PLEKHA3: variants seen among roughly 807,000 people sequenced by gnomAD.
PLEKHA3 encodes pleckstrin homology domain-containing family A member 3.
A neutral mutation model predicts 39.2 loss-of-function variants in PLEKHA3; 19 were observed. That is an observed-to-expected ratio of 0.48 (90% CI 0.34 to 0.71). PLEKHA3 has a LOEUF of 0.71. Ranked by LOEUF, PLEKHA3 falls within the 30% of genes least tolerant of loss-of-function variation. The pLI is 0.01. For synonymous variants in PLEKHA3, 97 were observed against 118.6 expected, an observed-to-expected ratio of 0.82 and a Z score of 1.18; for missense variants, 253 against 359.5, an observed-to-expected ratio of 0.70 and a Z score of 2.40.
chr2:178,492,546 G>T (rs1032627885), intron 3 of PLEKHA3, among the ~76,000 whole-genome samples: 1 of 150,594 alleles, frequency 6.6e-6, no homozygotes, highest in Non-Finnish European at 1.5e-5. Context: ...TAGGTGCAGC[G>T]CACCAGCATG....
chr2:178,499,350 T>C (rs556358019), intron 6 of PLEKHA3, 96 bp downstream of exon 6: 4 of 1,240,814 alleles, frequency 3.2e-6, no homozygotes, highest in Non-Finnish European at 4.6e-6. Flanking sequence ...ATGTAAACTC[T>C]GTATGGGTTA....
chr2:178,499,107 C>A, intron 5 of PLEKHA3, 104 bp from the exon 6 acceptor site: 1 of 1,121,612 alleles, frequency 8.9e-7, no homozygotes, highest in South Asian at 1.7e-5. Context: ...ATCTTTTTCT[C>A]TGAGTAAATT....
At position 178,513,117 on chromosome 2, in the gene PLEKHA3, C is replaced by G. The variant is rs1420810478; in HGVS notation, c.*9230C>G. 6.6e-6 allele frequency: 1 copy of G among 152,328 alleles called. No homozygotes were observed. Among genetic ancestry groups the G allele is most frequent in the Non-Finnish European group, 1.5e-5 (1 of 68,180 alleles). 9.4% of individuals were successfully genotyped at this position (152,328 alleles called of 1,614,324 possible). The stretch of plus-strand genomic sequence containing the variant: ...CGATCTCGGCTCACTGCAACCTTTG[C>G]TTTCCAGGTTCAAGCGATTCTCCTG... On this transcript the variant is annotated 3_prime_UTR_variant, in exon 8 of 8. Coordinates refer to ENST00000234453, the MANE Select transcript of PLEKHA3 (RefSeq NM_019091.4).
At position 178,483,937 on chromosome 2, in the gene PLEKHA3, G is replaced by T. The variant is rs180977777; in HGVS notation, c.41-1704G>T. Among the ~76,000 whole-genome samples the T allele has an allele frequency of 1.4e-3, 218 of 152,226 alleles. 1 individual carries two copies. The highest frequency in any genetic ancestry group is 5.1e-3 in the African/African-American group (212 of 41,506). ...CTATAAAAAATTAAAAAATTAGCCA[G>T]GCATGGTGGCACTTCTGTAGTCCTA... On this transcript the variant is annotated intron_variant, in intron 1 of 7. Transcript: ENST00000234453.
chr2:178,483,803 G>A (rs752998363), intron 1 of PLEKHA3, among the ~76,000 whole-genome samples: 2 of 152,198 alleles, frequency 1.3e-5, no homozygotes, highest in Non-Finnish European at 2.9e-5. Flanking sequence ...TATCTGCAGG[G>A]TGTGATGGCC....
chr2:178,493,459 A>C (rs12613131), intron 3 of PLEKHA3, among the ~76,000 whole-genome samples: 3,369 of 152,348 alleles, frequency 0.022, 64 homozygotes, highest in East Asian at 0.04. Flanking sequence ...AACTTTTACA[A>C]ACTATCAGTT....
At chr2:178,481,658 T>C (rs1685164856) in intron 1 of PLEKHA3, among the ~76,000 whole-genome samples, 1 of 152,162 alleles carries the variant, frequency 6.6e-6, no homozygotes, top group Non-Finnish European at 1.5e-5. Context: ...AAATTTGAGT[T>C]GTAGTCCAAT....
At chr2:178,503,352 A>G (rs1244749993) in intron 7 of PLEKHA3, among the ~76,000 whole-genome samples, 1 of 151,982 alleles carries the variant, frequency 6.6e-6, no homozygotes, top group Non-Finnish European at 1.5e-5. Context: ...TAAGGCATGT[A>G]TCCTTTTATG....
chr2:178,486,965 G>A (rs1179062131), intron 2 of PLEKHA3, among the ~76,000 whole-genome samples: 1 of 152,200 alleles, frequency 6.6e-6, no homozygotes, highest in Non-Finnish European at 1.5e-5. Flanking sequence ...TTCTTGACAC[G>A]TTGAAATGGT....
intron 4 of PLEKHA3, among the ~76,000 whole-genome samples, chr2:178,494,886 T>C (rs1005544703): frequency 1.3e-5 from 2 of 151,408 alleles, no homozygotes; most frequent in Admixed American, 6.6e-5. Context: ...ATCCCAGAAA[T>C]TCCCTAGCCA....
At chr2:178,501,319 G>A (rs1344149700) in intron 7 of PLEKHA3, 143 bp downstream of exon 7, 6 of 630,886 alleles carry the variant, frequency 9.5e-6, no homozygotes, top group Non-Finnish European at 1.4e-5. Flanking sequence ...AGCAAACAGC[G>A]CTCAATCAAT....
chr2:178,495,075 G>A (rs1685420016), intron 4 of PLEKHA3, among the ~76,000 whole-genome samples: 1 of 152,162 alleles, frequency 6.6e-6, no homozygotes, highest in East Asian at 1.9e-4. Context: ...TATCAAGGAA[G>A]AAGTGGGAGA....
At chr2:178,491,274 G>A (rs1431426485) in intron 3 of PLEKHA3, among the ~76,000 whole-genome samples, 2 of 152,172 alleles carry the variant, frequency 1.3e-5, no homozygotes, top group South Asian at 2.1e-4. Flanking sequence ...GCCTCCCAAA[G>A]TGCTGGGATT....
In PLEKHA3 at chr2:178,481,676, A is replaced by T. The variant is rs182701949; in HGVS notation, c.40+767A>T. Among the ~76,000 whole-genome samples, 12 of 152,328 alleles carry T rather than the reference A, an allele frequency of 7.9e-5. No individual in the cohort carries two copies. In the East Asian group the frequency reaches 1.5e-3, roughly 20 times the overall value. On this transcript the variant is annotated intron_variant, in intron 1 of 7. Coordinates refer to ENST00000234453, the MANE Select transcript of PLEKHA3 (RefSeq NM_019091.4). ...TTTGAGTTGTAGTCCAATCTCTGCC[A>T]TCAACCAACAATGAAGGCAAGTCAG...
chr2:178,508,073 G>GTC lies in PLEKHA3; in HGVS notation c.*4187_*4188insCT, dbSNP rs1022857507. 6.5e-6 allele frequency: 1 copy of GTC among 153,130 alleles called. No individual in the cohort carries two copies. The highest frequency in any genetic ancestry group is 2.4e-5 in the African/African-American group (1 of 41,258). 9.5% of individuals were successfully genotyped at this position (153,130 alleles called of 1,614,324 possible). On this transcript the variant is annotated 3_prime_UTR_variant, in exon 8 of 8. Coordinates refer to ENST00000234453, the MANE Select transcript of PLEKHA3 (RefSeq NM_019091.4). ...TGGGTGTGTGTGTGTGTGTGTGTGTGTGTGTGTGTGTGTGTGATCTTTTTG... is the reference window on the plus strand; with the variant it reads ...TGGGTGTGTGTGTGTGTGTGTGTGTGTCTGTGTGTGTGTGTGTGATCTTTTTG...
chr2:178,496,126 A>C (rs942132697), intron 5 of PLEKHA3, among the ~76,000 whole-genome samples: 1 of 152,208 alleles, frequency 6.6e-6, no homozygotes, highest in African/African-American at 2.4e-5. Context: ...GAACCCTCAG[A>C]GTAGCTGATC....
chr2:178,502,365 C>T (rs997260416), intron 7 of PLEKHA3: 14 of 425,344 alleles, frequency 3.3e-5, no homozygotes, highest in South Asian at 8.5e-5. Flanking sequence ...GGAAAGAAAC[C>T]GGGAAGGGGA....
chr2:178,514,808 T>C lies in PLEKHA3; in HGVS notation c.*10921T>C, dbSNP rs1483811244. The C allele has an allele frequency of 1.3e-5, 2 of 152,200 alleles. No homozygotes were observed. Among genetic ancestry groups the C allele is most frequent in the Non-Finnish European group, 2.9e-5 (2 of 68,044 alleles). 9.4% of individuals were successfully genotyped at this position (152,200 alleles called of 1,614,324 possible). A position where few individuals can be genotyped will look rare whatever the true frequency, so the allele number is the denominator to read the frequency against. ...ACTGGAGAGAAGAGTTTGAATTCAT[T>C]TGTGGTTTTGCTTTAGTGGCAAACC... On this transcript the variant is annotated 3_prime_UTR_variant, in exon 8 of 8. Coordinates refer to ENST00000234453, the MANE Select transcript of PLEKHA3 (RefSeq NM_019091.4).
chr2:178,502,683 A>T (rs1685542839), intron 7 of PLEKHA3, among the ~76,000 whole-genome samples: 1 of 150,600 alleles, frequency 6.6e-6, no homozygotes, highest in Admixed American at 6.7e-5. Flanking sequence ...TCTTCTAGTT[A>T]CTCTAGTCCT....
Sources: allele counts gnomAD v4.1 joint callset (sites outside exome capture counted in the v4.1 genomes callset), GRCh38; gene constraint gnomAD v4.1.1; transcripts MANE v1.5; gene names NCBI Gene and HGNC (gene_info 2026-07-23, HGNC 2026-07-21).